Variants in IL31RA observed in about 807,000 individuals in gnomAD.
IL31RA encodes the protein interleukin-31 receptor subunit alpha.
In IL31RA, 66 loss-of-function variants were observed where a neutral mutation model predicts 83.7. That is an observed-to-expected ratio of 0.79 (90% CI 0.65 to 0.97). The LOEUF is 0.97. IL31RA is among the 50% of genes least tolerant of loss of function. The pLI is 0.00. For synonymous variants in IL31RA, 325 were observed against 329.0 expected, an observed-to-expected ratio of 0.99 and a Z score of 0.13; for missense variants, 798 against 919.4, an observed-to-expected ratio of 0.87 and a Z score of 1.71.
At position 55,859,568 on chromosome 5, in the gene IL31RA, G is replaced by T; in HGVS notation, c.123G>T (p.Met41Ile). The change falls in exon 2 of 15, where the codon ATG (methionine) becomes ATT (isoleucine). Residue 41 changes from methionine to isoleucine, a missense_variant. Transcript: ENST00000652347. Reference protein sequence around the residue: ...LGMMWTWALWMLPSLCKFSLA... With the variant: ...LGMMWTWALWILPSLCKFSLA... ...TGATGTGGACCTGGGCACTGTGGATGCTCCCCTCACTCTGCAAATTCAGCC... is the reference window on the plus strand; with the variant it reads ...TGATGTGGACCTGGGCACTGTGGATTCTCCCCTCACTCTGCAAATTCAGCC... The T allele has an allele frequency of 6.2e-7, 1 of 1,612,772 alleles. No homozygotes were observed. The highest frequency in any genetic ancestry group is 1.3e-5 in the African/African-American group (1 of 75,002).
At position 55,908,422 on chromosome 5, in the gene IL31RA, C is replaced by T; in HGVS notation, c.1501+11C>T. On this transcript the variant is annotated intron_variant, in intron 11 of 14. Transcript: ENST00000652347. ...GTGGAAAAGGATTCTGTAAGCACGC[C>T]CATAGCGAAGTGGAAAAAAACCCCA... The T allele has an allele frequency of 6.2e-7, 1 of 1,614,102 alleles. No individual in the cohort carries two copies. Among genetic ancestry groups the T allele is most frequent in the Non-Finnish European group, 8.5e-7 (1 of 1,180,028 alleles).
intron 5 of IL31RA, among the ~76,000 whole-genome samples, chr5:55,883,478 C>G (rs916167757): frequency 6.6e-6 from 1 of 152,152 alleles, no homozygotes; most frequent in African/African-American, 2.4e-5. Flanking sequence ...GCTATGTTGG[C>G]TACCAGAGAG....
At chr5:55,908,872 AT>A (rs550925824) in intron 11 of IL31RA, 1,467 of 1,296,712 alleles carry the variant, frequency 1.1e-3, no homozygotes, top group Non-Finnish European at 1.4e-3. Flanking sequence ...AGGCTAAATA[AT>A]TTTTTCTTAT....
intron 5 of IL31RA, among the ~76,000 whole-genome samples, chr5:55,887,966 C>T (rs569226638): frequency 2.0e-5 from 3 of 151,634 alleles, no homozygotes; most frequent in African/African-American, 7.3e-5. Context: ...AGGAGAATCG[C>T]TTGAACCCGG....
At chr5:55,844,936 T>C in the IL31RA span, among the ~76,000 whole-genome samples, 1 of 152,228 alleles carries the variant, frequency 6.6e-6, no homozygotes, top group Non-Finnish European at 1.5e-5. Context: ...TGTTAGTGTT[T>C]TTAACCTCTA....
At chr5:55,885,984 A>T (rs1156314078) in intron 5 of IL31RA, among the ~76,000 whole-genome samples, 1 of 152,046 alleles carries the variant, frequency 6.6e-6, no homozygotes, top group Non-Finnish European at 1.5e-5. Flanking sequence ...CTGCTGGGGG[A>T]TAGGATTCAA....
the IL31RA span, chr5:55,840,067 G>T: frequency 2.7e-6 from 1 of 373,252 alleles, no homozygotes; most frequent in South Asian, 3.0e-5. Context: ...CCAGACACCT[G>T]ACTTCGGCAG....
chr5:55,867,134 T>C (rs1284959567), intron 2 of IL31RA, among the ~76,000 whole-genome samples: 2 of 97,746 alleles, frequency 2.0e-5, no homozygotes, highest in South Asian at 4.2e-4. Flanking sequence ...TGTGTGTGTG[T>C]GCATGTGTGT....
intron 1 of IL31RA, among the ~76,000 whole-genome samples, chr5:55,854,121 T>C (rs111994292): frequency 2.4e-3 from 369 of 152,322 alleles, no homozygotes; most frequent in Non-Finnish European, 4.1e-3. Context: ...GTACAGGATG[T>C]AATTTGTATA....
At chr5:55,884,093 G>C (rs1333687803) in intron 5 of IL31RA, among the ~76,000 whole-genome samples, 2 of 152,134 alleles carry the variant, frequency 1.3e-5, no homozygotes, top group Non-Finnish European at 2.9e-5. Context: ...TGGAAGCGCT[G>C]ATTTAAGCCT....
At position 55,901,477 on chromosome 5, in the gene IL31RA, C is replaced by T. The variant is rs372265172; in HGVS notation, c.1069+1345C>T. On this transcript the variant is annotated intron_variant, in intron 8 of 14. Coordinates refer to ENST00000652347, the MANE Select transcript of IL31RA (RefSeq NM_139017.7). Reference sequence around the variant, plus strand: ...CTAACTTCTCTGAAGATTAGCTACTCGTAAAATGGAGCTATTATATAATAA... The same window carrying T: ...CTAACTTCTCTGAAGATTAGCTACTTGTAAAATGGAGCTATTATATAATAA... Among the ~76,000 whole-genome samples the T allele has an allele frequency of 9.9e-5, 15 of 152,062 alleles. No individual in the cohort carries two copies. The South Asian group carries it at 2.3e-3, about 23-fold the overall frequency.
At chr5:55,888,726 C>T (rs779880127) in intron 5 of IL31RA, among the ~76,000 whole-genome samples, 1 of 152,172 alleles carries the variant, frequency 6.6e-6, no homozygotes, top group Non-Finnish European at 1.5e-5. Flanking sequence ...CTCCACAACC[C>T]TAGTCTGCCA....
At chr5:55,850,107 C>T (rs6876491), upstream of IL31RA, among the ~76,000 whole-genome samples, 90,922 of 152,022 alleles carry the variant, frequency 0.6, 28,433 homozygotes, top group Middle Eastern at 0.7. Flanking sequence ...ATCCTTGATC[C>T]TTTGTATGTG....
intron 4 of IL31RA, among the ~76,000 whole-genome samples, chr5:55,877,803 G>A (rs1432192661): frequency 1.3e-5 from 2 of 152,092 alleles, no homozygotes; most frequent in Non-Finnish European, 2.9e-5. Context: ...GTCTTAGTGT[G>A]GGTCTCTTTG....
Position 55,903,382 on chromosome 5 carries a change from G to A in IL31RA, c.1070-2724G>A, listed in dbSNP as rs1176025031. On this transcript the variant is annotated intron_variant, in intron 8 of 14. Transcript: ENST00000652347. This position sits in a 1 kb window ranked among gnomAD's most constrained non-coding sequence, Gnocchi z 4.7. ...GCCCCTCCCTGCTTCTTCAAGGAAG[G>A]ATCTGTGTTTCCCACCACACCTGGG... Among the ~76,000 whole-genome samples, 1 of 152,220 alleles carries A rather than the reference G, an allele frequency of 6.6e-6. No individual in the cohort carries two copies. Among genetic ancestry groups the A allele is most frequent in the Non-Finnish European group, 1.5e-5 (1 of 68,036 alleles).
At chr5:55,853,283 T>C in intron 1 of IL31RA, 1 of 1,190,276 alleles carries the variant, frequency 8.4e-7, no homozygotes, top group Non-Finnish European at 1.0e-6. Flanking sequence ...CCTTTTTTTT[T>C]GTAGAGTTGA....
At chr5:55,868,604 G>A (rs911641557) in intron 2 of IL31RA, among the ~76,000 whole-genome samples, 187 bp from the exon 3 acceptor site, 1 of 152,196 alleles carries the variant, frequency 6.6e-6, no homozygotes, top group Non-Finnish European at 1.5e-5. Flanking sequence ...GCTCTTGAAA[G>A]GGAATAATTA....
intron 1 of IL31RA, 126 bp from the exon 2 acceptor site, chr5:55,859,383 G>T: frequency 1.4e-6 from 1 of 738,442 alleles, no homozygotes; most frequent in East Asian, 2.6e-5. Context: ...GGTGATGATA[G>T]TCAACAAATA....
rs1449973289 is a variant in IL31RA at position 55,906,284 on chromosome 5, G to A, written c.1248G>A (p.Gln416=). The part of the protein sequence containing the change: ...SVSQATNWTI[Q]QDKLKPFWCY... ...CTCAGGCCACGAACTGGACGATCCA[G>A]CAAGGTAGCCAGGGCGGAACTCACA... Residue 416 remains glutamine (Q), a synonymous_variant, in exon 9 of 15, where the codon CAG becomes CAA. Coordinates refer to ENST00000652347, the MANE Select transcript of IL31RA (RefSeq NM_139017.7). 6.2e-7 allele frequency: 1 copy of A among 1,613,852 alleles called. No individual in the cohort carries two copies. Among genetic ancestry groups the A allele is most frequent in the African/African-American group, 1.3e-5 (1 of 74,918 alleles).
Sources: gnomAD v4.1 joint callset for allele counts (sites outside exome capture counted in the v4.1 genomes callset) on GRCh38, gnomAD v4.1.1 for gene constraint, Gnocchi (gnomAD v3.1) non-coding constraint, MANE v1.5 for transcripts, NCBI Gene and HGNC (gene_info 2026-07-23, HGNC 2026-07-21) for gene names.